The following KCNU1 variants were observed in gnomAD, a reference collection of about 807,000 sequenced individuals.
KCNU1 encodes the protein potassium calcium-activated channel subfamily U member 1, also known as potassium channel subfamily U member 1.
In KCNU1, 93 loss-of-function variants were observed where a neutral mutation model predicts 126.8. The ratio of observed to expected loss-of-function variants is 0.73; its 90% CI spans 0.62 to 0.87. KCNU1 has a LOEUF of 0.87. Ranked by LOEUF, KCNU1 falls within the 40% of genes least tolerant of loss-of-function variation. KCNU1 has a pLI of 0.00. For synonymous variants in KCNU1, 523 were observed against 494.2 expected (o/e 1.06, Z -0.77); for missense variants, 1,330 against 1,367.1 (o/e 0.97, Z 0.43).
intron 10 of KCNU1, among the ~76,000 whole-genome samples, chr8:36,830,897 A>T (rs1024242288): frequency 3.8e-5 from 5 of 132,280 alleles, no homozygotes; most frequent in African/African-American, 1.4e-4. Context: ...TCCCGATGCT[A>T]TCCCTCCCCC....
rs144645142 is a variant in KCNU1 at position 36,908,265 on chromosome 8, A to G, written c.2107-1046A>G. 7.2e-3 allele frequency among the ~76,000 whole-genome samples: 1,096 copies of G among 152,310 alleles called. 13 individuals carry two copies. The highest frequency in any genetic ancestry group is 0.052 in the South Asian group (251 of 4,832). The stretch of plus-strand genomic sequence containing the variant: ...CTATGACTGTGGGAGAAACTTAAGT[A>G]TATTCCATGCATATTCTTTTGTTTT... On this transcript the variant is annotated intron_variant, in intron 20 of 26. Transcript: ENST00000399881.
At chr8:36,796,518 T>C (rs973149775) in intron 2 of KCNU1, among the ~76,000 whole-genome samples, 1 of 152,218 alleles carries the variant, frequency 6.6e-6, no homozygotes, top group Non-Finnish European at 1.5e-5. Flanking sequence ...TTGAAAGATA[T>C]ATTCTTATAC....
intron 19 of KCNU1, chr8:36,888,497 C>T: frequency 1.9e-6 from 1 of 519,696 alleles, no homozygotes; most frequent in Non-Finnish European, 4.0e-6. Context: ...CTTCCAGGAC[C>T]TCATCAGCCA....
At chr8:36,796,422 T>C (rs1185305959) in intron 2 of KCNU1, among the ~76,000 whole-genome samples, 1 of 152,216 alleles carries the variant, frequency 6.6e-6, no homozygotes, top group Non-Finnish European at 1.5e-5. Context: ...TCCTTAATTA[T>C]TTGCTGAATG....
At chr8:36,827,999 T>A (rs1804388948) in intron 10 of KCNU1, among the ~76,000 whole-genome samples, 1 of 152,164 alleles carries the variant, frequency 6.6e-6, no homozygotes, top group South Asian at 2.1e-4. Context: ...TCTTCAGGTT[T>A]GTAATTTGTC....
At chr8:36,807,260 T>A (rs933390194) in intron 5 of KCNU1, 115 bp from the exon 6 acceptor site, 2 of 759,952 alleles carry the variant, frequency 2.6e-6, no homozygotes, top group Non-Finnish European at 4.6e-6. Flanking sequence ...GAGAATAGAT[T>A]TGGAACACGT....
At chr8:36,853,881 C>T (rs891810363) in intron 18 of KCNU1, among the ~76,000 whole-genome samples, 14 of 152,010 alleles carry the variant, frequency 9.2e-5, no homozygotes, top group African/African-American at 2.7e-4. Context: ...CAAGGAATCC[C>T]GTTAGTATTT....
At chr8:36,882,444 C>T (rs1271920915) in intron 19 of KCNU1, among the ~76,000 whole-genome samples, 1 of 152,184 alleles carries the variant, frequency 6.6e-6, no homozygotes, top group African/African-American at 2.4e-5. Flanking sequence ...GCTAGAATTT[C>T]TGTATTCCTG....
At chr8:36,930,875 T>A in intron 24 of KCNU1, 76 bp from the exon 25 acceptor site, 1 of 997,630 alleles carries the variant, frequency 1.0e-6, no homozygotes, top group South Asian at 1.8e-5. Context: ...GCCCACTAAA[T>A]CTCCAAGCCT....
intron 10 of KCNU1, among the ~76,000 whole-genome samples, chr8:36,825,631 TAA>T (rs1488731859): frequency 6.6e-6 from 1 of 152,208 alleles, no homozygotes; most frequent in Non-Finnish European, 1.5e-5. Flanking sequence ...GCTTTTAGTG[TAA>T]GTGTCACCTG....
Position 36,784,498 on chromosome 8 carries a change from T to A in KCNU1, c.88T>A (p.Ser30Thr). 5 of 1,613,934 alleles carry A rather than the reference T, an allele frequency of 3.1e-6. No individual in the cohort carries two copies. Among genetic ancestry groups the A allele is most frequent in the Non-Finnish European group, 4.2e-6 (5 of 1,179,814 alleles). Residue 30 changes from serine to threonine, a missense_variant, in exon 1 of 27, where the codon TCT becomes ACT. Transcript: ENST00000399881. ...TTEIQAAFIL[S>T]SFVTFFSGLI... ...TGAGATCCAAGCAGCATTCATTCTCTCTTCCTTTGTGACCTTCTTCAGTGG... is the reference window on the plus strand; with the variant it reads ...TGAGATCCAAGCAGCATTCATTCTCACTTCCTTTGTGACCTTCTTCAGTGG...
intron 18 of KCNU1, among the ~76,000 whole-genome samples, chr8:36,863,831 T>C (rs1805808842): frequency 6.6e-6 from 1 of 152,202 alleles, no homozygotes; most frequent in Admixed American, 6.5e-5. Context: ...TTCAAAGTCA[T>C]GGTAGTATCC....
intron 2 of KCNU1, among the ~76,000 whole-genome samples, chr8:36,803,780 G>T (rs1803397088): frequency 1.3e-5 from 2 of 152,102 alleles, no homozygotes; most frequent in African/African-American, 4.8e-5. Flanking sequence ...TCTGAAGTGT[G>T]CGCAAGTTAA....
chr8:36,836,952 T>C lies in KCNU1; in HGVS notation c.1518+7T>C. 6.2e-7 allele frequency: 1 copy of C among 1,613,462 alleles called. No individual in the cohort carries two copies. Among genetic ancestry groups the C allele is most frequent in the South Asian group, 1.1e-5 (1 of 91,066 alleles). ...TGTGGAGCAAAACAAAAAGGTAACC[T>C]TGTAAATTACTGTTGATTCTTGGCT... On this transcript the variant is annotated splice_region_variant and intron_variant, in intron 14 of 26. Transcript: ENST00000399881.
intron 3 of KCNU1, 102 bp from the exon 4 acceptor site, chr8:36,805,093 T>G: frequency 1.4e-6 from 1 of 719,774 alleles, no homozygotes; most frequent in Admixed American, 2.5e-5. Context: ...GGATTCATGG[T>G]GAATAAAGAA....
intron 19 of KCNU1, among the ~76,000 whole-genome samples, 182 bp from the exon 20 acceptor site, chr8:36,905,526 C>T (rs2117507485): frequency 6.6e-6 from 1 of 151,158 alleles, no homozygotes; most frequent in South Asian, 2.1e-4. Flanking sequence ...AACTATGATA[C>T]AGTCTGGGCT....
chr8:36,827,633 C>G (rs1390917988), intron 10 of KCNU1, among the ~76,000 whole-genome samples: 1 of 152,006 alleles, frequency 6.6e-6, no homozygotes, highest in African/African-American at 2.4e-5. Context: ...CTGAAGTTAC[C>G]TAATTTATTA....
At chr8:36,926,129 G>A (rs559734275) in intron 24 of KCNU1, among the ~76,000 whole-genome samples, 2 of 152,160 alleles carry the variant, frequency 1.3e-5, no homozygotes, top group Non-Finnish European at 2.9e-5. Context: ...AATTCACTAA[G>A]TGCATTACCT....
chr8:36,891,105 T>C (rs970632832), intron 19 of KCNU1, among the ~76,000 whole-genome samples: 13 of 151,924 alleles, frequency 8.6e-5, no homozygotes, highest in Non-Finnish European at 1.3e-4. Flanking sequence ...CTCTTGTCTG[T>C]TTTTAATCTA....
Sources: allele counts gnomAD v4.1 joint callset (sites outside exome capture counted in the v4.1 genomes callset), GRCh38; gene constraint gnomAD v4.1.1; transcripts MANE v1.5; gene names NCBI Gene and HGNC (gene_info 2026-07-23, HGNC 2026-07-21).